Variants in APBA1 observed in about 807,000 individuals in gnomAD.
APBA1 encodes amyloid-beta A4 precursor protein-binding family A member 1.
A neutral mutation model predicts 86.6 loss-of-function variants in APBA1; 55 were observed. The observed-to-expected ratio is 0.64, with a 90% confidence interval of 0.51 to 0.80. The LOEUF (loss-of-function observed/expected upper bound fraction) is 0.80. APBA1 is among the 30% of genes least tolerant of loss of function. The pLI is 0.00. For missense variants in APBA1, 1,090 were observed against 1,183.0 expected, an observed-to-expected ratio of 0.92 and a Z score of 1.15; for synonymous variants, 511 against 493.9, an observed-to-expected ratio of 1.03 and a Z score of -0.46.
chr9:69,596,822 G>A (rs906681446), intron 1 of APBA1, among the ~76,000 whole-genome samples: 1 of 152,226 alleles, frequency 6.6e-6, no homozygotes, highest in Non-Finnish European at 1.5e-5. Flanking sequence ...CAGTCAACTG[G>A]TTGAAGGCTT....
chr9:69,551,097 G>A (rs1024259856), intron 1 of APBA1, among the ~76,000 whole-genome samples: 1 of 152,076 alleles, frequency 6.6e-6, no homozygotes. Context: ...ACATATTTTT[G>A]GGACAAGAAA....
At chr9:69,539,867 C>T (rs1836575621) in intron 1 of APBA1, among the ~76,000 whole-genome samples, 1 of 152,102 alleles carries the variant, frequency 6.6e-6, no homozygotes, top group African/African-American at 2.4e-5. Context: ...ACCTGTAATC[C>T]CAGCACTTTA....
intron 1 of APBA1, among the ~76,000 whole-genome samples, chr9:69,553,000 T>C (rs1177496981): frequency 6.7e-6 from 1 of 149,414 alleles, no homozygotes; most frequent in Non-Finnish European, 1.5e-5. Flanking sequence ...ACCACCAGGG[T>C]TGAAGCAATC....
intron 1 of APBA1, among the ~76,000 whole-genome samples, chr9:69,602,276 G>A (rs1322317529): frequency 6.6e-6 from 1 of 152,012 alleles, no homozygotes; most frequent in African/African-American, 2.4e-5. Context: ...ACCTCCAAAA[G>A]AAAACACATA....
Position 69,658,331 on chromosome 9 carries a change from T to C in APBA1, c.-70+13822A>G, listed in dbSNP as rs541351280. On this transcript the variant is annotated intron_variant, in intron 1 of 12. Transcript: ENST00000265381. ...CTTTCTTTCTTTCTTTCTTTCTTTC[T>C]TTCTTTCTTTCTTTCTTTCTTTCTT... 3.6e-4 allele frequency among the ~76,000 whole-genome samples: 52 copies of C among 145,928 alleles called. 1 individual carries two copies. Among genetic ancestry groups the C allele is most frequent in the Admixed American group, 4.1e-4 (6 of 14,498 alleles).
chr9:69,450,127 G>C (rs1439237865), intron 9 of APBA1, among the ~76,000 whole-genome samples: 1 of 146,850 alleles, frequency 6.8e-6, no homozygotes, highest in Non-Finnish European at 1.5e-5. Flanking sequence ...GAGGCTCTGT[G>C]GGTGGGTGGT....
intron 12 of APBA1, among the ~76,000 whole-genome samples, chr9:69,432,262 A>T (rs1834614382): frequency 6.6e-6 from 1 of 152,236 alleles, no homozygotes; most frequent in Non-Finnish European, 1.5e-5. Context: ...CAGAAAAGCA[A>T]CAGAAAGCTG....
At chr9:69,467,790 CCT>C (rs1405462406) in intron 5 of APBA1, 31 bp downstream of exon 5, 3 of 1,613,564 alleles carry the variant, frequency 1.9e-6, no homozygotes, top group Non-Finnish European at 8.5e-7. Context: ...ACACCAGCCC[CCT>C]GTCCCTGTTG....
intron 11 of APBA1, 112 bp downstream of exon 11, chr9:69,440,884 A>C (rs1462136228): frequency 7.6e-7 from 1 of 1,313,456 alleles, no homozygotes. Flanking sequence ...TCACGCTGGG[A>C]GTTGTAGACT....
At chr9:69,581,245 G>A (rs975322003) in intron 1 of APBA1, among the ~76,000 whole-genome samples, 4 of 152,132 alleles carry the variant, frequency 2.6e-5, no homozygotes, top group Admixed American at 6.5e-5. Flanking sequence ...TCTTCACCTT[G>A]GGATTATATG....
At chr9:69,539,311 C>A (rs1410370187) in intron 1 of APBA1, among the ~76,000 whole-genome samples, 2 of 152,250 alleles carry the variant, frequency 1.3e-5, no homozygotes, top group African/African-American at 4.8e-5. Context: ...TGTGTTAAAA[C>A]AGACTTCTGA....
intron 1 of APBA1, among the ~76,000 whole-genome samples, chr9:69,601,952 T>C (rs1822357568): frequency 6.6e-6 from 1 of 152,168 alleles, no homozygotes; most frequent in African/African-American, 2.4e-5. Flanking sequence ...ACCAGATAAC[T>C]ACCAAGCCAC....
intron 5 of APBA1, chr9:69,462,670 G>A (rs944289735): frequency 1.3e-5 from 2 of 152,206 alleles, no homozygotes; most frequent in Admixed American, 6.5e-5. Context: ...ATTTTCTTGA[G>A]CTTATTTGCC....
At chr9:69,523,509 A>ATATATATATATG in intron 1 of APBA1, among the ~76,000 whole-genome samples, 3 of 53,746 alleles carry the variant, frequency 5.6e-5, no homozygotes, top group Admixed American at 2.4e-4. Context: ...ATATATATAT[A>ATATATATATATG]TATATATATA....
intron 1 of APBA1, among the ~76,000 whole-genome samples, chr9:69,564,166 A>C (rs1236139200): frequency 6.6e-6 from 1 of 152,184 alleles, no homozygotes; most frequent in Non-Finnish European, 1.5e-5. Flanking sequence ...TGACTGATGG[A>C]ACTCATACCC....
chr9:69,516,909 C>T lies in APBA1; in HGVS notation c.302G>A (p.Arg101His). ...CGCGCGCTCCGCATCGTAGCCGTCG[C>T]GGGCCGCGGCGATCACGTCGCCCTC... Reference protein sequence around the residue: ...TAEGDVIAAARDGYDAERAQD... With the variant: ...TAEGDVIAAAHDGYDAERAQD... The change falls in exon 2 of 13, where the codon CGC (arginine) becomes CAC (histidine). Residue 101 changes from arginine to histidine, a missense_variant. By Grantham distance (29) the Arg-to-His change is conservative. This residue lies in a region of APBA1 where 678 missense variants were observed against 647.1 expected (regional missense o/e 1.05). Transcript: ENST00000265381. This position sits in a 1 kb window ranked among gnomAD's most constrained non-coding sequence, Gnocchi z 7.3. 2 of 1,594,008 alleles carry T rather than the reference C, an allele frequency of 1.3e-6. No homozygotes were observed. Among genetic ancestry groups the T allele is most frequent in the Non-Finnish European group, 1.7e-6 (2 of 1,176,886 alleles).
At chr9:69,567,831 C>G (rs969775826) in intron 1 of APBA1, among the ~76,000 whole-genome samples, 1 of 152,108 alleles carries the variant, frequency 6.6e-6, no homozygotes. Context: ...AGCACCCACC[C>G]TCCACCTTGA....
intron 2 of APBA1, among the ~76,000 whole-genome samples, chr9:69,476,780 A>G (rs1383025403): frequency 6.6e-6 from 1 of 152,234 alleles, no homozygotes; most frequent in African/African-American, 2.4e-5. Context: ...GGTGTATCGG[A>G]AAATAAGGCT....
rs74587043 is a variant in APBA1, at chr9:69,666,924, A to G, written c.-70+5229T>C. ...TAGCTTACTTAAAAAAAGTTTATTC[A>G]TGTATTCATGTGACAAATGTATATT... is the stretch of plus-strand genomic sequence containing the variant. On this transcript the variant is annotated intron_variant, in intron 1 of 12. Coordinates refer to ENST00000265381, the MANE Select transcript of APBA1 (RefSeq NM_001163.4). Among the ~76,000 whole-genome samples, 438 of 152,326 alleles carry G rather than the reference A, an allele frequency of 2.9e-3. 2 individuals carry two copies. Among genetic ancestry groups the G allele is most frequent in the African/African-American group, 9.9e-3 (411 of 41,570 alleles).
Sources: allele counts gnomAD v4.1 joint callset (sites outside exome capture counted in the v4.1 genomes callset), GRCh38; gene constraint gnomAD v4.1.1; regional missense constraint gnomAD v4.1.1; non-coding constraint Gnocchi (gnomAD v3.1); transcripts MANE v1.5; gene names NCBI Gene and HGNC (gene_info 2026-07-23, HGNC 2026-07-21).